Variants in CNOT6 observed in about 807,000 individuals in gnomAD.
CNOT6 encodes the protein carbon catabolite repression 4 protein.
CNOT6 carries 12 observed loss-of-function variants against 61.2 expected under a neutral mutation model. The observed-to-expected ratio is 0.20, with a 90% CI of 0.13 to 0.32. CNOT6 has a LOEUF of 0.32. Among genes scored for constraint, CNOT6 ranks in the 10% least tolerant of loss-of-function variants. The pLI, the probability that CNOT6 is intolerant of heterozygous loss-of-function variation, is 1.00. For synonymous variants in CNOT6, 225 were observed against 240.6 expected (o/e 0.94, Z 0.60); for missense variants, 405 against 663.9 (o/e 0.61, Z 4.28).
chr5:180,505,344 C>G (rs1386316475), intron 1 of CNOT6, among the ~76,000 whole-genome samples: 2 of 134,174 alleles, frequency 1.5e-5, no homozygotes, highest in African/African-American at 5.8e-5. Context: ...CAAGCTCCAC[C>G]TCCCAGGTTC....
At chr5:180,533,312 C>CTATATATATATA (rs56266069) in intron 2 of CNOT6, among the ~76,000 whole-genome samples, 1,569 of 126,984 alleles carry the variant, frequency 0.012, 24 homozygotes, top group Non-Finnish European at 0.014. Flanking sequence ...GGATGAAAAC[C>CTATATATATATA]TATATATATA....
chr5:180,563,899 G>T (rs1020974043), intron 4 of CNOT6, among the ~76,000 whole-genome samples: 1 of 152,102 alleles, frequency 6.6e-6, no homozygotes. Context: ...GAACAAAGCA[G>T]TTATTGAATT....
intron 1 of CNOT6, among the ~76,000 whole-genome samples, chr5:180,521,440 A>G (rs1757874713): frequency 6.6e-6 from 1 of 152,154 alleles, no homozygotes; most frequent in Non-Finnish European, 1.5e-5. Flanking sequence ...AACAGCCTAG[A>G]TTTTGAATTA....
chr5:180,572,496 AC>A, intron 11 of CNOT6, among the ~76,000 whole-genome samples: 1 of 151,612 alleles, frequency 6.6e-6, no homozygotes, highest in South Asian at 2.1e-4. Flanking sequence ...GGTCAGACTT[AC>A]ACCATTTTTA....
chr5:180,551,938 C>T (rs929471354), intron 3 of CNOT6, among the ~76,000 whole-genome samples: 3 of 148,920 alleles, frequency 2.0e-5, no homozygotes, highest in Non-Finnish European at 4.5e-5. Context: ...AGTGTGATCT[C>T]GGCTCACTGC....
chr5:180,515,557 A>G (rs1757594843), intron 1 of CNOT6, among the ~76,000 whole-genome samples: 3 of 152,140 alleles, frequency 2.0e-5, no homozygotes, highest in South Asian at 2.1e-4. Context: ...GCAGGTGCAT[A>G]TGAGGAAGGT....
rs569975762 is a variant in CNOT6, at chr5:180,576,829, A to T, written c.*2629A>T. On this transcript the variant is annotated 3_prime_UTR_variant, in exon 12 of 12. Transcript: ENST00000261951. ...AAACTAGTATGTTTTCACGGTGTAT[A>T]TTTTTTTTCAAAAATTCTGTAACAA... The T allele has an allele frequency of 8.5e-5, 13 of 152,052 alleles. No individual in the cohort carries two copies. The highest frequency in any genetic ancestry group is 6.2e-4 in the South Asian group (3 of 4,818). The allele number at this position is 152,052 out of a possible 1,614,324, so 9.4% of individuals were successfully genotyped here. A position where few individuals can be genotyped will look rare whatever the true frequency, so the allele number is the denominator to read the frequency against.
chr5:180,533,762 G>T (rs897966487), intron 2 of CNOT6, among the ~76,000 whole-genome samples: 1 of 152,026 alleles, frequency 6.6e-6, no homozygotes, highest in African/African-American at 2.4e-5. Flanking sequence ...AGATTTAGGA[G>T]GTATAAGTAC....
At chr5:180,538,338 C>T (rs1019725118) in intron 2 of CNOT6, among the ~76,000 whole-genome samples, 2 of 145,622 alleles carry the variant, frequency 1.4e-5, no homozygotes, top group East Asian at 2.0e-4. Context: ...CGCACCTGGC[C>T]GGAACATCAT....
chr5:180,535,554 C>T (rs1024460702), intron 2 of CNOT6, among the ~76,000 whole-genome samples: 3 of 152,204 alleles, frequency 2.0e-5, no homozygotes, highest in African/African-American at 4.8e-5. Context: ...TTTATCCAGT[C>T]ATCCATTGTT....
At position 180,574,371 on chromosome 5, in the gene CNOT6, A is replaced by G. The variant is rs971903314; in HGVS notation, c.*171A>G. On this transcript the variant is annotated 3_prime_UTR_variant, in exon 12 of 12. Transcript: ENST00000261951. ...TGAAAGCCAGGTGCTAGCAACAGAC[A>G]AATTCTGAGCCCAATATGCTTTATA... 17 of 623,344 alleles carry G rather than the reference A, an allele frequency of 2.7e-5. No homozygotes were observed. In the African/African-American group the frequency reaches 2.9e-4, roughly 11 times the overall value. The allele number at this position is 623,344 out of a possible 1,614,324, so 38.6% of individuals were successfully genotyped here. A position where few individuals can be genotyped will look rare whatever the true frequency, so the allele number is the denominator to read the frequency against.
chr5:180,502,878 T>TA (rs1370801471), intron 1 of CNOT6, among the ~76,000 whole-genome samples: 7 of 152,250 alleles, frequency 4.6e-5, no homozygotes, highest in African/African-American at 1.7e-4. Flanking sequence ...TGTTGTTAAG[T>TA]AAACACTTCA....
At chr5:180,523,834 C>A (rs984823255) in intron 1 of CNOT6, among the ~76,000 whole-genome samples, 1 of 152,090 alleles carries the variant, frequency 6.6e-6, no homozygotes, top group Non-Finnish European at 1.5e-5. Context: ...TACGTGCAGG[C>A]CGCTCTTTAA....
chr5:180,516,292 T>C (rs2940546), intron 1 of CNOT6, among the ~76,000 whole-genome samples: 4,466 of 150,798 alleles, frequency 0.03, 110 homozygotes, highest in Admixed American at 0.054. Context: ...TCGATTCTCC[T>C]GCCTCAGCCT....
chr5:180,543,855 G>C (rs1356169382), intron 2 of CNOT6, among the ~76,000 whole-genome samples: 1 of 151,664 alleles, frequency 6.6e-6, no homozygotes, highest in Non-Finnish European at 1.5e-5. Context: ...CTGTTGCCCA[G>C]GCTGGAGTGC....
chr5:180,547,025 G>A (rs545305090), intron 2 of CNOT6, among the ~76,000 whole-genome samples: 35 of 152,204 alleles, frequency 2.3e-4, no homozygotes, highest in African/African-American at 8.4e-4. Context: ...AATTTTGTAC[G>A]TGAAACCAAG....
intron 1 of CNOT6, among the ~76,000 whole-genome samples, chr5:180,503,337 C>T (rs1756971135): frequency 6.7e-6 from 1 of 149,794 alleles, no homozygotes; most frequent in Admixed American, 6.7e-5. Flanking sequence ...AATCTCGGCT[C>T]ACTGCAACCT....
rs1761084048 is a variant in CNOT6, at chr5:180,577,989, T to C, written c.*3789T>C. 1 of 152,658 alleles carries C rather than the reference T, an allele frequency of 6.6e-6. No individual in the cohort carries two copies. The highest frequency in any genetic ancestry group is 2.4e-5 in the African/African-American group (1 of 41,456). The allele number at this position is 152,658 out of a possible 1,614,324, so 9.5% of individuals were successfully genotyped here. On this transcript the variant is annotated 3_prime_UTR_variant, in exon 12 of 12. Transcript: ENST00000261951. Reference sequence around the variant, plus strand: ...TTTCAAATATTTTAGAAGTGTAGTTTGTATAGCTGTAGTACTGAGGTTTGA... The same window carrying C: ...TTTCAAATATTTTAGAAGTGTAGTTCGTATAGCTGTAGTACTGAGGTTTGA...
chr5:180,523,305 C>G (rs562790456), intron 1 of CNOT6, among the ~76,000 whole-genome samples: 2 of 152,214 alleles, frequency 1.3e-5, no homozygotes, highest in African/African-American at 4.8e-5. Flanking sequence ...GATGGCTTTT[C>G]TTTTGCTTAC....
Sources: gnomAD v4.1 joint callset for allele counts (sites outside exome capture counted in the v4.1 genomes callset) on GRCh38, gnomAD v4.1.1 for gene constraint, MANE v1.5 for transcripts, NCBI Gene and HGNC (gene_info 2026-07-23, HGNC 2026-07-21) for gene names.